The following TBC1D5 variants were observed in gnomAD, a reference collection of about 807,000 sequenced individuals.
The protein encoded by TBC1D5 is TBC1 domain family, member 5.
In TBC1D5, 75 loss-of-function variants were observed where a neutral mutation model predicts 100.3. The observed-to-expected ratio is 0.75, with a 90% CI of 0.62 to 0.91. The LOEUF is 0.91. Among genes scored for constraint, TBC1D5 ranks in the 40% least tolerant of loss-of-function variants. The pLI is 0.00. For synonymous variants in TBC1D5, 323 were observed against 325.6 expected, an observed-to-expected ratio of 0.99 and a Z score of 0.09; for missense variants, 910 against 942.4, an observed-to-expected ratio of 0.97 and a Z score of 0.45.
intron 3 of TBC1D5, among the ~76,000 whole-genome samples, chr3:17,440,562 A>C (rs962023136): frequency 6.6e-6 from 1 of 152,204 alleles, no homozygotes; most frequent in Non-Finnish European, 1.5e-5. Flanking sequence ...GGCTGCAGTG[A>C]GCTGAGATGG....
At chr3:17,383,922 A>G (rs2093049310) in exon 9 of TBC1D5, 2 of 1,597,456 alleles carry the variant, frequency 1.3e-6, no homozygotes, top group Admixed American at 1.7e-5. Flanking sequence ...CCTGTTTATA[A>G]AGCAACTGCT....
intron 4 of TBC1D5, among the ~76,000 whole-genome samples, chr3:17,420,247 C>T (rs1267224276): frequency 6.6e-6 from 1 of 151,428 alleles, no homozygotes; most frequent in Non-Finnish European, 1.5e-5. Context: ...GTTGAAAAAG[C>T]ACTTGTGAAA....
At chr3:17,545,856 G>A (rs1390924678) in intron 2 of TBC1D5, among the ~76,000 whole-genome samples, 1 of 152,074 alleles carries the variant, frequency 6.6e-6, no homozygotes, top group Non-Finnish European at 1.5e-5. Flanking sequence ...ATTGCTGACA[G>A]CACCCTTCTT....
chr3:17,558,819 A>G (rs972188472), intron 2 of TBC1D5, among the ~76,000 whole-genome samples: 2 of 152,234 alleles, frequency 1.3e-5, no homozygotes, highest in African/African-American at 2.4e-5. Context: ...TATAATGTTC[A>G]TAAGTCAAGA....
intron 13 of TBC1D5, among the ~76,000 whole-genome samples, chr3:17,320,537 A>T (rs1160840835): frequency 6.6e-6 from 1 of 152,238 alleles, no homozygotes; most frequent in Non-Finnish European, 1.5e-5. Flanking sequence ...GGCTACAGGG[A>T]GGACTCCTTT....
At chr3:17,447,327 TAAG>T (rs1400345598) in intron 3 of TBC1D5, among the ~76,000 whole-genome samples, 1 of 152,110 alleles carries the variant, frequency 6.6e-6, no homozygotes, top group Non-Finnish European at 1.5e-5. Flanking sequence ...GTTACTAAGA[TAAG>T]AAGGACTATC....
At chr3:17,416,125 G>A (rs1453880626) in intron 4 of TBC1D5, among the ~76,000 whole-genome samples, 1 of 152,134 alleles carries the variant, frequency 6.6e-6, no homozygotes, top group African/African-American at 2.4e-5. Flanking sequence ...TTACCAAACA[G>A]AAATACATGT....
At chr3:17,278,634 C>T (rs2080267137) in intron 15 of TBC1D5, among the ~76,000 whole-genome samples, 1 of 152,074 alleles carries the variant, frequency 6.6e-6, no homozygotes, top group African/African-American at 2.4e-5. Context: ...GAGACTGATA[C>T]TCTGGAAAAA....
chr3:17,571,863 T>G (rs2096629325), intron 2 of TBC1D5, among the ~76,000 whole-genome samples: 1 of 152,086 alleles, frequency 6.6e-6, no homozygotes, highest in Admixed American at 6.6e-5. Context: ...TTTCACACTT[T>G]CAGGATTCAC....
intron 4 of TBC1D5, among the ~76,000 whole-genome samples, chr3:17,408,351 C>G (rs1351361247): frequency 6.6e-6 from 1 of 151,214 alleles, no homozygotes; most frequent in Non-Finnish European, 1.5e-5. Flanking sequence ...ACTTGGTCAT[C>G]AGGATGGAGT....
At chr3:17,480,420 C>T (rs544348164) in intron 3 of TBC1D5, among the ~76,000 whole-genome samples, 23 of 152,326 alleles carry the variant, frequency 1.5e-4, no homozygotes, top group Non-Finnish European at 2.4e-4. Context: ...GGAGTGACAA[C>T]TTATGGTGCT....
intron 4 of TBC1D5, among the ~76,000 whole-genome samples, chr3:17,408,725 A>G (rs144333349): frequency 4.9e-4 from 75 of 152,292 alleles, no homozygotes; most frequent in African/African-American, 1.4e-3. Flanking sequence ...TCATGCCTTC[A>G]TCAGCCAATT....
At chr3:17,353,750 A>G (rs1324002262) in intron 13 of TBC1D5, among the ~76,000 whole-genome samples, 4 of 152,124 alleles carry the variant, frequency 2.6e-5, no homozygotes, top group Non-Finnish European at 5.9e-5. Flanking sequence ...AGTACTTCAT[A>G]TAAGAAGATG....
intron 13 of TBC1D5, among the ~76,000 whole-genome samples, chr3:17,351,392 T>C (rs1575475585): frequency 6.6e-6 from 1 of 152,162 alleles, no homozygotes; most frequent in Admixed American, 6.6e-5. Flanking sequence ...CGGAATACTA[T>C]GCAGCCATAA....
exon 22 of TBC1D5, chr3:17,159,269 T>G (rs921356833): frequency 3.9e-5 from 6 of 152,284 alleles, no homozygotes; most frequent in African/African-American, 1.4e-4. Context: ...ATTAGAACCC[T>G]CTCTACAGTA....
intron 3 of TBC1D5, among the ~76,000 whole-genome samples, chr3:17,485,945 T>G (rs1391199622): frequency 6.6e-6 from 1 of 152,150 alleles, no homozygotes; most frequent in African/African-American, 2.4e-5. Context: ...TGAACTAGTT[T>G]ACCGTCCCAC....
intron 3 of TBC1D5, among the ~76,000 whole-genome samples, chr3:17,487,588 G>A (rs554962245): frequency 6.6e-6 from 1 of 152,128 alleles, no homozygotes; most frequent in Non-Finnish European, 1.5e-5. Context: ...AACCAAAAAG[G>A]TTTGAGCTAC....
In TBC1D5 at chr3:17,532,178, T is replaced by C. The variant is rs180789234; in HGVS notation, c.-35-23573A>G. On this transcript the variant is annotated intron_variant, in intron 2 of 21. Coordinates refer to ENST00000253692, the Ensembl canonical transcript of TBC1D5. The stretch of plus-strand genomic sequence containing the variant: ...ACCCCATCAAAAAGTGGGCAAAGGA[T>C]ATGAACAGACACTTCTCAAAAGAAG... Among the ~76,000 whole-genome samples the C allele has an allele frequency of 2.6e-3, 392 of 152,166 alleles. 5 individuals carry two copies. The highest frequency in any genetic ancestry group is 0.022 in the Admixed American group (340 of 15,286).
exon 7 of TBC1D5, chr3:17,404,758 T>G (rs1020533022): frequency 6.2e-7 from 1 of 1,607,482 alleles, no homozygotes; most frequent in African/African-American, 1.4e-5. Flanking sequence ...CTTCCTCGGG[T>G]TGGTAATATG....
Sources: gnomAD v4.1 joint callset for allele counts (sites outside exome capture counted in the v4.1 genomes callset) on GRCh38, gnomAD v4.1.1 for gene constraint, MANE v1.5 for transcripts, NCBI Gene and HGNC (gene_info 2026-07-23, HGNC 2026-07-21) for gene names.